The following OSBPL1A variants were observed in gnomAD, a reference collection of about 807,000 sequenced individuals.
The protein encoded by OSBPL1A is oxysterol binding protein like 1A.
Under a neutral mutation model 137.1 loss-of-function variants are expected in OSBPL1A, and 80 were observed. The observed-to-expected ratio is 0.58, with a 90% CI of 0.49 to 0.70. OSBPL1A has a LOEUF of 0.70. Among genes scored for constraint, OSBPL1A ranks in the 30% least tolerant of loss-of-function variants. OSBPL1A has a pLI of 0.00. For missense variants in OSBPL1A, 970 were observed against 1,129.4 expected, an observed-to-expected ratio of 0.86 and a Z score of 2.02; for synonymous variants, 365 against 389.7, an observed-to-expected ratio of 0.94 and a Z score of 0.75.
chr18:24,334,240 T>C lies in OSBPL1A; in HGVS notation c.480+5A>G. On this transcript the variant is annotated splice_donor_5th_base_variant and intron_variant, in intron 6 of 27. Transcript: ENST00000319481. The stretch of plus-strand genomic sequence containing the variant: ...TGTCTTTTGGGGGTTTTTTGTTTGT[T>C]TTACCAGAGCTGTGAGTTCTGTTGT... 6.3e-7 allele frequency: 1 copy of C among 1,598,644 alleles called. No homozygotes were observed. The highest frequency in any genetic ancestry group is 8.5e-7 in the Non-Finnish European group (1 of 1,176,106).
At chr18:24,368,203 G>A in intron 3 of OSBPL1A, 84 bp downstream of exon 3, 2 of 994,272 alleles carry the variant, frequency 2.0e-6, no homozygotes, top group Admixed American at 2.1e-5. Context: ...TATGGCTCAG[G>A]TGGCTTTTCT....
chr18:24,325,487 G>A (rs2090957543), intron 7 of OSBPL1A, among the ~76,000 whole-genome samples: 1 of 152,134 alleles, frequency 6.6e-6, no homozygotes, highest in African/African-American at 2.4e-5. Flanking sequence ...CTTCCTCAGG[G>A]TTCACTCCTG....
chr18:24,162,249 C>T lies in OSBPL1A; in HGVS notation c.*930G>A, dbSNP rs2086033735. 6.6e-6 allele frequency: 1 copy of T among 152,162 alleles called. No homozygotes were observed. Among genetic ancestry groups the T allele is most frequent in the Non-Finnish European group, 1.5e-5 (1 of 68,036 alleles). The allele number at this position is 152,162 out of a possible 1,614,324, so 9.4% of individuals were successfully genotyped here. A position where few individuals can be genotyped will look rare whatever the true frequency, so the allele number is the denominator to read the frequency against. On this transcript the variant is annotated 3_prime_UTR_variant, in exon 28 of 28. Coordinates refer to ENST00000319481, the MANE Select transcript of OSBPL1A (RefSeq NM_080597.4). ...CAATTAAAGGGGCAAAACTACTGTA[C>T]AGTAGGTCTCCACACATATTTTAAG...
At chr18:24,385,807 A>G (rs1156504109) in intron 1 of OSBPL1A, among the ~76,000 whole-genome samples, 1 of 152,246 alleles carries the variant, frequency 6.6e-6, no homozygotes, top group East Asian at 1.9e-4. Context: ...GACTCCTTTA[A>G]AGCAACTTCC....
intron 15 of OSBPL1A, among the ~76,000 whole-genome samples, chr18:24,240,429 T>C (rs970889697): frequency 6.6e-6 from 1 of 152,226 alleles, no homozygotes; most frequent in African/African-American, 2.4e-5. Context: ...TCAAGTCACC[T>C]AATCCTTATA....
rs2089722123 is a variant in OSBPL1A at position 24,271,693 on chromosome 18, C to T, written c.1281+9149G>A. 2 of 985,976 alleles carry T rather than the reference C, an allele frequency of 2.0e-6. No individual in the cohort carries two copies. Among genetic ancestry groups the T allele is most frequent in the Middle Eastern group, 5.2e-4 (1 of 1,920 alleles). The allele number at this position is 985,976 out of a possible 1,614,324, so 61.1% of individuals were successfully genotyped here. The stretch of plus-strand genomic sequence containing the variant: ...CCTCGCAAGCTCCAGCGCGAATGCG[C>T]TCGGCCTGCTCCTCCTCCTCCCCTC... On this transcript the variant is annotated intron_variant, in intron 15 of 27. Transcript: ENST00000319481. The surrounding 1 kb of genome is among the most constrained non-coding windows in gnomAD (Gnocchi z 4.0).
chr18:24,211,113 C>T (rs974512012), intron 17 of OSBPL1A, among the ~76,000 whole-genome samples: 6 of 152,006 alleles, frequency 3.9e-5, no homozygotes, highest in African/African-American at 9.7e-5. Flanking sequence ...TTACAGGTGC[C>T]CACCACCACG....
chr18:24,322,368 G>T (rs1344508982), intron 7 of OSBPL1A, among the ~76,000 whole-genome samples: 1 of 151,610 alleles, frequency 6.6e-6, no homozygotes, highest in South Asian at 2.1e-4. Flanking sequence ...TGATCTGCCC[G>T]CCTGGGCCTC....
At chr18:24,348,209 A>G (rs1338707063) in intron 4 of OSBPL1A, among the ~76,000 whole-genome samples, 3 of 151,060 alleles carry the variant, frequency 2.0e-5, no homozygotes, top group East Asian at 4.0e-4. Context: ...CTTAAAAGAT[A>G]ATATATTAGT....
intron 15 of OSBPL1A, among the ~76,000 whole-genome samples, chr18:24,264,781 G>C (rs533951783): frequency 6.6e-6 from 1 of 152,172 alleles, no homozygotes; most frequent in Admixed American, 6.5e-5. Flanking sequence ...CTTTTCCTAA[G>C]TCTAGGCGTG....
At chr18:24,366,748 G>T in intron 4 of OSBPL1A, 144 bp downstream of exon 4, 1 of 627,256 alleles carries the variant, frequency 1.6e-6, no homozygotes, top group Non-Finnish European at 2.6e-6. Flanking sequence ...AGATCCTGTG[G>T]CCTTTTGACC....
At position 24,344,094 on chromosome 18, in the gene OSBPL1A, T is replaced by C. The variant is rs1018841453; in HGVS notation, c.283-2436A>G. Among the ~76,000 whole-genome samples the C allele has an allele frequency of 7.2e-5, 11 of 152,150 alleles. No individual in the cohort carries two copies. The South Asian group carries it at 1.7e-3, about 23-fold the overall frequency. On this transcript the variant is annotated intron_variant, in intron 4 of 27. Coordinates refer to ENST00000319481, the MANE Select transcript of OSBPL1A (RefSeq NM_080597.4). Reference sequence around the variant, plus strand: ...AGAATATGCAAAGAATGTCTAAAACTCAAAAACAAAACAAATAACCAGATT... The same window carrying C: ...AGAATATGCAAAGAATGTCTAAAACCCAAAAACAAAACAAATAACCAGATT...
intron 25 of OSBPL1A, among the ~76,000 whole-genome samples, 191 bp downstream of exon 25, chr18:24,167,138 G>GGGATGGACAGCA (rs1237464650): frequency 6.6e-6 from 1 of 152,196 alleles, no homozygotes; most frequent in Non-Finnish European, 1.5e-5. Flanking sequence ...AGATGCCAGA[G>GGGATGGACAGCA]GGATGGACAG....
At chr18:24,205,659 T>C (rs1357371172) in intron 17 of OSBPL1A, among the ~76,000 whole-genome samples, 1 of 152,242 alleles carries the variant, frequency 6.6e-6, no homozygotes, top group African/African-American at 2.4e-5. Context: ...AAAATTTTCA[T>C]CTTCCTGCCT....
chr18:24,208,684 T>C (rs773544745), intron 17 of OSBPL1A, among the ~76,000 whole-genome samples: 8 of 152,216 alleles, frequency 5.3e-5, no homozygotes, highest in Non-Finnish European at 1.0e-4. Flanking sequence ...GTGAATGGCA[T>C]AGAACCTGTA....
At chr18:24,232,286 A>C (rs1333681367) in intron 16 of OSBPL1A, among the ~76,000 whole-genome samples, 6 of 152,210 alleles carry the variant, frequency 3.9e-5, no homozygotes, top group Non-Finnish European at 5.9e-5. Context: ...CTGCCAAGAG[A>C]CTGCTGCAAT....
intron 26 of OSBPL1A, among the ~76,000 whole-genome samples, chr18:24,165,991 G>A (rs939678581): frequency 3.0e-4 from 46 of 152,138 alleles, no homozygotes; most frequent in African/African-American, 1.0e-3. Context: ...CAGTTACTCA[G>A]GAGACTGAGG....
intron 17 of OSBPL1A, 88 bp from the exon 18 acceptor site, chr18:24,196,288 A>G (rs2087028613): frequency 1.2e-6 from 1 of 855,780 alleles, no homozygotes. Context: ...TGAGAGCTGC[A>G]GGCACAGAAA....
At chr18:24,267,815 C>G (rs931319389) in intron 15 of OSBPL1A, among the ~76,000 whole-genome samples, 2 of 149,568 alleles carry the variant, frequency 1.3e-5, no homozygotes, top group Non-Finnish European at 3.0e-5. Context: ...CCATTCTTAA[C>G]AGTGAATCAT....
Sources: allele counts gnomAD v4.1 joint callset (sites outside exome capture counted in the v4.1 genomes callset), GRCh38; gene constraint gnomAD v4.1.1; non-coding constraint Gnocchi (gnomAD v3.1); transcripts MANE v1.5; gene names NCBI Gene and HGNC (gene_info 2026-07-23, HGNC 2026-07-21).